The following NEGR1 variants were observed in gnomAD, a reference collection of about 807,000 sequenced individuals.
NEGR1 encodes the protein neuronal growth regulator 1, also known as IgLON family member 4.
A neutral mutation model predicts 40.9 loss-of-function variants in NEGR1; 10 were observed. The ratio of observed to expected loss-of-function variants is 0.24; its 90% CI spans 0.15 to 0.42. NEGR1 has a LOEUF of 0.42. Among genes scored for constraint, NEGR1 ranks in the 10% least tolerant of loss-of-function variants. The probability of loss-of-function intolerance (pLI) is 1.00; values close to 1 mark genes in which losing one functional copy is unlikely to be tolerated. For missense variants in NEGR1, 352 were observed against 438.9 expected (o/e 0.80, Z 1.77); for synonymous variants, 185 against 166.8 (o/e 1.11, Z -0.84).
chr1:71,513,788 A>C (rs1189399915), intron 6 of NEGR1, among the ~76,000 whole-genome samples: 1 of 151,500 alleles, frequency 6.6e-6, no homozygotes, highest in Non-Finnish European at 1.5e-5. Flanking sequence ...AAGACGGGTG[A>C]TTTCTGCATT....
chr1:72,174,186 T>C (rs941509198), intron 1 of NEGR1, among the ~76,000 whole-genome samples: 8 of 152,168 alleles, frequency 5.3e-5, no homozygotes, highest in Admixed American at 2.6e-4. Flanking sequence ...GACTGTTTTT[T>C]AGAGAAGTTT....
At chr1:72,075,162 A>G (rs1314696350) in intron 1 of NEGR1, among the ~76,000 whole-genome samples, 1 of 152,158 alleles carries the variant, frequency 6.6e-6, no homozygotes. Flanking sequence ...AAACCACCAC[A>G]TAGATATAGA....
At chr1:71,801,209 G>A (rs1434345174) in intron 2 of NEGR1, among the ~76,000 whole-genome samples, 1 of 152,048 alleles carries the variant, frequency 6.6e-6, no homozygotes, top group Non-Finnish European at 1.5e-5. Context: ...GCCTCTCTTT[G>A]CCAGTCAGCT....
At chr1:72,001,552 G>T (rs931094122) in intron 1 of NEGR1, among the ~76,000 whole-genome samples, 1 of 150,772 alleles carries the variant, frequency 6.6e-6, no homozygotes, top group African/African-American at 2.4e-5. Context: ...TTGCTACAAA[G>T]AAACAAAATG....
chr1:71,806,354 G>C (rs1274709292), intron 2 of NEGR1, among the ~76,000 whole-genome samples: 1 of 151,876 alleles, frequency 6.6e-6, no homozygotes, highest in African/African-American at 2.4e-5. Context: ...ATGATTTAGG[G>C]CTTAAAATGG....
chr1:72,008,441 T>A (rs1646628268), intron 1 of NEGR1, among the ~76,000 whole-genome samples: 1 of 152,166 alleles, frequency 6.6e-6, no homozygotes, highest in Non-Finnish European at 1.5e-5. Flanking sequence ...CTACACATAA[T>A]TTAAGGATAC....
intron 2 of NEGR1, among the ~76,000 whole-genome samples, chr1:71,872,021 T>A (rs1454361750): frequency 1.3e-5 from 2 of 152,174 alleles, no homozygotes; most frequent in African/African-American, 4.8e-5. Context: ...GTGCAATCTA[T>A]AAAATTTAGT....
chr1:72,123,466 T>C (rs746032436), intron 1 of NEGR1, among the ~76,000 whole-genome samples: 59 of 151,780 alleles, frequency 3.9e-4, no homozygotes, highest in Non-Finnish European at 7.4e-4. Flanking sequence ...AAATTGCAAC[T>C]ACAGGTGGTC....
intron 4 of NEGR1, among the ~76,000 whole-genome samples, chr1:71,689,406 G>A (rs891114193): frequency 6.6e-6 from 1 of 152,132 alleles, no homozygotes. Flanking sequence ...TTGAGACCTA[G>A]ATTTAAGTCT....
intron 1 of NEGR1, among the ~76,000 whole-genome samples, chr1:72,236,118 T>C (rs1654536628): frequency 1.3e-5 from 2 of 152,136 alleles, no homozygotes; most frequent in Admixed American, 6.6e-5. Context: ...AAGGATGAGT[T>C]CATGCCATTT....
chr1:71,445,819 A>C (rs1358419625), intron 6 of NEGR1, among the ~76,000 whole-genome samples: 1 of 152,190 alleles, frequency 6.6e-6, no homozygotes, highest in Non-Finnish European at 1.5e-5. Flanking sequence ...TATGTGACCT[A>C]CTGGACATTC....
At chr1:72,142,038 A>G (rs557572205) in intron 1 of NEGR1, among the ~76,000 whole-genome samples, 3 of 152,134 alleles carry the variant, frequency 2.0e-5, no homozygotes, top group South Asian at 2.1e-4. Context: ...CAATCATCAT[A>G]AATAAACCAA....
intron 1 of NEGR1, among the ~76,000 whole-genome samples, chr1:72,274,230 GC>G (rs1362108794): frequency 6.6e-6 from 1 of 151,870 alleles, no homozygotes. Context: ...CCACATACAG[GC>G]TTTCTCCAAA....
At chr1:71,508,072 A>T (rs889217604) in intron 6 of NEGR1, among the ~76,000 whole-genome samples, 1 of 152,192 alleles carries the variant, frequency 6.6e-6, no homozygotes, top group Non-Finnish European at 1.5e-5. Context: ...AAGAAATTAT[A>T]TACTGGCCCA....
chr1:71,725,731 T>C (rs1033084874), intron 3 of NEGR1, among the ~76,000 whole-genome samples: 9 of 152,132 alleles, frequency 5.9e-5, no homozygotes, highest in Non-Finnish European at 1.2e-4. Context: ...CTCTGATGGA[T>C]CTAAACTTGC....
At chr1:71,855,966 C>T (rs900770863) in intron 2 of NEGR1, among the ~76,000 whole-genome samples, 1 of 151,978 alleles carries the variant, frequency 6.6e-6, no homozygotes, top group African/African-American at 2.4e-5. Context: ...AACTCCTCTG[C>T]CTGCCCTCAA....
intron 3 of NEGR1, among the ~76,000 whole-genome samples, chr1:71,749,380 T>C (rs1655494194): frequency 6.6e-6 from 1 of 152,234 alleles, no homozygotes; most frequent in African/African-American, 2.4e-5. Flanking sequence ...ACCTCAGTTG[T>C]TATTTTTCGT....
At chr1:71,871,142 T>A (rs1240187103) in intron 2 of NEGR1, among the ~76,000 whole-genome samples, 2 of 152,176 alleles carry the variant, frequency 1.3e-5, no homozygotes, top group East Asian at 3.9e-4. Flanking sequence ...ACTCCCTATT[T>A]ATCATCAACG....
chr1:71,533,826 A>T (rs1163158552), intron 6 of NEGR1, among the ~76,000 whole-genome samples: 1 of 151,670 alleles, frequency 6.6e-6, no homozygotes, highest in Non-Finnish European at 1.5e-5. Context: ...GGCAATGCTA[A>T]AGGATATTAA....
Sources: gnomAD v4.1 joint callset for allele counts (sites outside exome capture counted in the v4.1 genomes callset) on GRCh38, gnomAD v4.1.1 for gene constraint, MANE v1.5 for transcripts, NCBI Gene and HGNC (gene_info 2026-07-23, HGNC 2026-07-21) for gene names.